Variants in PHTF2 observed in about 807,000 individuals in gnomAD.
The protein encoded by PHTF2 is protein PHTF2.
PHTF2 carries 60 observed loss-of-function variants against 101.2 expected under a neutral mutation model. The ratio of observed to expected loss-of-function variants is 0.59; its 90% CI spans 0.48 to 0.73. The LOEUF (loss-of-function observed/expected upper bound fraction) is 0.73, where lower values mean the gene tolerates loss of function less well. Among genes scored for constraint, PHTF2 ranks in the 30% least tolerant of loss-of-function variants. PHTF2 has a pLI of 0.00. For synonymous variants in PHTF2, 311 were observed against 307.3 expected (o/e 1.01, Z -0.13); for missense variants, 747 against 908.7 (o/e 0.82, Z 2.29).
At chr7:77,955,960 TA>T (rs1234820396) in exon 20 of PHTF2, 1 of 152,532 alleles carries the variant, frequency 6.6e-6, no homozygotes, top group Non-Finnish European at 1.5e-5. Flanking sequence ...CCCCATTATA[TA>T]AGGGCTATTT....
At chr7:77,913,636 T>TA (rs1802619698) in intron 9 of PHTF2, among the ~76,000 whole-genome samples, 3 of 152,108 alleles carry the variant, frequency 2.0e-5, no homozygotes, top group African/African-American at 7.2e-5. Context: ...AAACAGGAAT[T>TA]ACAGCTCTCA....
exon 12 of PHTF2, chr7:77,929,207 A>T: frequency 6.2e-7 from 1 of 1,613,276 alleles, no homozygotes; most frequent in South Asian, 1.1e-5. Context: ...AAGATGTGTT[A>T]TGGGAAGACT....
intron 12 of PHTF2, among the ~76,000 whole-genome samples, chr7:77,929,947 A>ATTTTTTT (rs761290166): frequency 8.2e-6 from 1 of 122,156 alleles, no homozygotes; most frequent in African/African-American, 3.2e-5. Flanking sequence ...GACTAGCCAC[A>ATTTTTTT]TTTTTTTTTT....
intron 7 of PHTF2, chr7:77,908,076 CTGAT>C (rs972021326): frequency 2.6e-5 from 4 of 152,106 alleles, no homozygotes; most frequent in African/African-American, 9.7e-5. Flanking sequence ...CTGAAAAAGA[CTGAT>C]TGGCCCTGCT....
At chr7:77,850,468 G>A (rs1405061455) in intron 2 of PHTF2, among the ~76,000 whole-genome samples, 1 of 148,768 alleles carries the variant, frequency 6.7e-6, no homozygotes, top group Admixed American at 6.7e-5. Flanking sequence ...GTGGGACCTC[G>A]TCTCTAAAAA....
intron 2 of PHTF2, among the ~76,000 whole-genome samples, chr7:77,849,558 ATAAAT>A (rs1301048034): frequency 6.6e-6 from 1 of 152,198 alleles, no homozygotes; most frequent in Admixed American, 6.5e-5. Flanking sequence ...GTGGTTCCAA[ATAAAT>A]TAAATTCTAG....
At chr7:77,908,997 G>A (rs746663725) in intron 8 of PHTF2, 39 bp downstream of exon 7, 5 of 1,386,020 alleles carry the variant, frequency 3.6e-6, no homozygotes, top group Non-Finnish European at 5.0e-6. Context: ...GTACATTTAT[G>A]TAATTTGAAT....
At chr7:77,942,491 G>C (rs1204259955) in intron 15 of PHTF2, among the ~76,000 whole-genome samples, 1 of 152,144 alleles carries the variant, frequency 6.6e-6, no homozygotes. Context: ...TATAAATATA[G>C]ATACCCTTTT....
intron 2 of PHTF2, among the ~76,000 whole-genome samples, chr7:77,853,699 G>A (rs543033381): frequency 1.3e-4 from 19 of 151,938 alleles, no homozygotes; most frequent in Admixed American, 4.6e-4. Context: ...TGGCCACTCA[G>A]CTCTAGATTT....
At chr7:77,937,606 T>C (rs1203079674) in intron 12 of PHTF2, 104 bp from the exon 12 acceptor site, 4 of 381,264 alleles carry the variant, frequency 1.0e-5, no homozygotes, top group Non-Finnish European at 1.9e-5. Flanking sequence ...TTTAGTGTCA[T>C]TAAAATTGTG....
chr7:77,822,535 T>C (rs576762167), intron 1 of PHTF2, among the ~76,000 whole-genome samples: 1 of 152,264 alleles, frequency 6.6e-6, no homozygotes, highest in South Asian at 2.1e-4. Context: ...AGACTGGGCT[T>C]GGGGCTTGCA....
At chr7:77,920,377 G>C in exon 10 of PHTF2, 2 of 1,612,544 alleles carry the variant, frequency 1.2e-6, no homozygotes, top group African/African-American at 1.3e-5. Flanking sequence ...GGTGAAGATG[G>C]AATACAAAAC....
rs148802104 is a variant in PHTF2, at chr7:77,945,462, A to G, written c.1959+2676A>G. 2.8e-3 allele frequency among the ~76,000 whole-genome samples: 426 copies of G among 152,322 alleles called. 10 individuals carry two copies. Among genetic ancestry groups the G allele is most frequent in the Admixed American group, 0.023 (349 of 15,296 alleles). On this transcript the variant is annotated intron_variant, in intron 16 of 19. Coordinates refer to ENST00000416283, the Ensembl canonical transcript of PHTF2. ...ACAAGGAAGTTTATAAAACTTTCCC[A>G]TGTATTAGGCAATAAAGTAAAAACT...
chr7:77,830,722 C>A (rs768985825), intron 1 of PHTF2, among the ~76,000 whole-genome samples: 1 of 152,192 alleles, frequency 6.6e-6, no homozygotes, highest in East Asian at 1.9e-4. Flanking sequence ...AAATTGCTTG[C>A]AGACCCATAT....
chr7:77,907,322 A>C (rs189927613), intron 7 of PHTF2, among the ~76,000 whole-genome samples: 97 of 152,138 alleles, frequency 6.4e-4, no homozygotes, highest in African/African-American at 2.3e-3. Context: ...GATACTCTTT[A>C]AGTATATTAA....
At chr7:77,817,362 C>T (rs1441747591) in intron 1 of PHTF2, among the ~76,000 whole-genome samples, 1 of 152,062 alleles carries the variant, frequency 6.6e-6, no homozygotes, top group East Asian at 1.9e-4. Flanking sequence ...ATACCTGAGC[C>T]TGGGTAATTT....
intron 19 of PHTF2, among the ~76,000 whole-genome samples, chr7:77,954,638 A>ATATATATATATAT (rs1562982915): frequency 3.6e-5 from 5 of 139,106 alleles, no homozygotes; most frequent in African/African-American, 1.3e-4. Flanking sequence ...ATATATATAT[A>ATATATATATATAT]TATATATAGC....
chr7:77,803,111 T>G (rs1255516017), intron 1 of PHTF2, among the ~76,000 whole-genome samples: 1 of 152,216 alleles, frequency 6.6e-6, no homozygotes, highest in Non-Finnish European at 1.5e-5. Context: ...AACAGGTAGT[T>G]TTAGAGCACT....
At chr7:77,874,323 C>T (rs533670713) in intron 3 of PHTF2, among the ~76,000 whole-genome samples, 3 of 152,316 alleles carry the variant, frequency 2.0e-5, no homozygotes, top group African/African-American at 7.2e-5. Flanking sequence ...CCTTAATATT[C>T]TGTTCCTCTA....
Sources: allele counts gnomAD v4.1 joint callset (sites outside exome capture counted in the v4.1 genomes callset), GRCh38; gene constraint gnomAD v4.1.1; transcripts MANE v1.5; gene names NCBI Gene and HGNC (gene_info 2026-07-23, HGNC 2026-07-21).